Variants in DGKI observed in about 807,000 individuals in gnomAD.
DGKI encodes the protein diacylglycerol kinase iota.
In DGKI, 55 loss-of-function variants were observed where a neutral mutation model predicts 147.5. That is an observed-to-expected ratio of 0.37 (90% confidence interval 0.30 to 0.47). DGKI has a LOEUF of 0.47. DGKI is among the 20% of genes least tolerant of loss of function. DGKI has a pLI of 1.00. For synonymous variants in DGKI, 469 were observed against 477.1 expected (o/e 0.98, Z 0.22); for missense variants, 1,007 against 1,323.8 (o/e 0.76, Z 3.71).
At chr7:137,601,817 C>G (rs1310287127) in intron 10 of DGKI, among the ~76,000 whole-genome samples, 1 of 152,138 alleles carries the variant, frequency 6.6e-6, no homozygotes. Flanking sequence ...GTTACATAGG[C>G]CAATGCAGGT....
intron 1 of DGKI, among the ~76,000 whole-genome samples, chr7:137,803,247 G>C (rs1001059996): frequency 6.6e-6 from 1 of 152,160 alleles, no homozygotes; most frequent in Non-Finnish European, 1.5e-5. Context: ...TTGCTGGGTT[G>C]TAGAGAAGAT....
intron 23 of DGKI, among the ~76,000 whole-genome samples, chr7:137,477,723 C>T (rs1164506228): frequency 6.6e-6 from 1 of 152,104 alleles, no homozygotes; most frequent in Non-Finnish European, 1.5e-5. Flanking sequence ...GTGGTGCAAT[C>T]TCAGCTCACT....
intron 3 of DGKI, among the ~76,000 whole-genome samples, chr7:137,675,464 C>A (rs1822999667): frequency 7.0e-6 from 1 of 142,198 alleles, no homozygotes; most frequent in South Asian, 2.1e-4. Flanking sequence ...GCGGGTGGAT[C>A]CCCTGAGGTC....
chr7:137,583,935 T>C (rs577025495), intron 14 of DGKI, among the ~76,000 whole-genome samples: 2 of 152,282 alleles, frequency 1.3e-5, no homozygotes, highest in African/African-American at 4.8e-5. Flanking sequence ...GGATCATGGT[T>C]TAGGTGAAAA....
rs1350052011 is a variant in DGKI at position 137,717,862 on chromosome 7, C to T, written c.402-27860G>A. On this transcript the variant is annotated intron_variant, in intron 1 of 32. Coordinates refer to ENST00000614521, the MANE Select transcript of DGKI (RefSeq NM_001321708.2). ...TAGAAAAACATCTCAGCACATGAATCGCACTGTTTCCACATACACAGCCTC... is the reference window on the plus strand; with the variant it reads ...TAGAAAAACATCTCAGCACATGAATTGCACTGTTTCCACATACACAGCCTC... Among the ~76,000 whole-genome samples the T allele has an allele frequency of 1.1e-4, 16 of 152,198 alleles. No homozygotes were observed. In the East Asian group the frequency reaches 1.9e-3, roughly 18 times the overall value.
At chr7:137,601,273 A>G (rs1819981397) in intron 10 of DGKI, among the ~76,000 whole-genome samples, 1 of 151,902 alleles carries the variant, frequency 6.6e-6, no homozygotes, top group African/African-American at 2.4e-5. Context: ...TCTGTCTCAA[A>G]AAAAAAAAAG....
At chr7:137,426,350 G>A (rs1186504599) in intron 28 of DGKI, among the ~76,000 whole-genome samples, 2 of 152,120 alleles carry the variant, frequency 1.3e-5, no homozygotes, top group African/African-American at 4.8e-5. Flanking sequence ...AGCAAATGCT[G>A]AGAGATTTTG....
rs191759885 is a variant in DGKI, at chr7:137,471,699, T to C, written c.2374-2080A>G. On this transcript the variant is annotated intron_variant, in intron 23 of 32. Coordinates refer to ENST00000614521, the MANE Select transcript of DGKI (RefSeq NM_001321708.2). ...ATCTTAGTAAACTAGAAACCTGGAG[T>C]GTATGGAGTTTTACTCTAAATGAAT... Among the ~76,000 whole-genome samples the C allele has an allele frequency of 2.6e-3, 391 of 151,678 alleles. 1 individual carries two copies. Among genetic ancestry groups the C allele is most frequent in the African/African-American group, 9.2e-3 (379 of 41,348 alleles).
chr7:137,395,425 C>G (rs548463789), intron 32 of DGKI, among the ~76,000 whole-genome samples, 173 bp downstream of exon 32: 1 of 152,248 alleles, frequency 6.6e-6, no homozygotes, highest in South Asian at 2.1e-4. Flanking sequence ...TGTGCTTATA[C>G]ATTTAAATCA....
At chr7:137,802,504 C>T (rs1797244653) in intron 1 of DGKI, among the ~76,000 whole-genome samples, 1 of 152,122 alleles carries the variant, frequency 6.6e-6, no homozygotes, top group South Asian at 2.1e-4. Context: ...CATAATAATC[C>T]TCTATTTGTG....
chr7:137,580,070 C>G (rs1819135639), intron 15 of DGKI, among the ~76,000 whole-genome samples: 1 of 152,078 alleles, frequency 6.6e-6, no homozygotes, highest in Non-Finnish European at 1.5e-5. Context: ...ATAAGTTAGA[C>G]TAAATATGAG....
Position 137,574,959 on chromosome 7 carries a change from T to C in DGKI, c.1762-2121A>G, listed in dbSNP as rs1818919828. On this transcript the variant is annotated intron_variant, in intron 17 of 32. Transcript: ENST00000614521. ...AAGATGCTCTGTTGTTGGGGAGACATCTAATCACTCTCACTAACCTTCCAT... is the reference window on the plus strand; with the variant it reads ...AAGATGCTCTGTTGTTGGGGAGACACCTAATCACTCTCACTAACCTTCCAT... 2.0e-5 allele frequency among the ~76,000 whole-genome samples: 3 copies of C among 152,220 alleles called. No homozygotes were observed. The South Asian group carries it at 6.2e-4, about 31-fold the overall frequency.
chr7:137,503,647 A>C (rs537067004), intron 21 of DGKI, among the ~76,000 whole-genome samples: 2 of 152,288 alleles, frequency 1.3e-5, no homozygotes, highest in South Asian at 4.1e-4. Flanking sequence ...TTGGTCAATA[A>C]CTACATTCAG....
At chr7:137,513,761 G>A in intron 21 of DGKI, 4 of 510,464 alleles carry the variant, frequency 7.8e-6, no homozygotes, top group Non-Finnish European at 1.5e-5. Context: ...TGGCATTTGG[G>A]TATCTAAAAT....
intron 13 of DGKI, among the ~76,000 whole-genome samples, chr7:137,586,255 T>C (rs1819391905): frequency 6.6e-6 from 1 of 151,866 alleles, no homozygotes; most frequent in Non-Finnish European, 1.5e-5. Context: ...CGAAACCCTG[T>C]CTCTAATAAA....
At chr7:137,759,427 C>T (rs1166438959) in intron 1 of DGKI, among the ~76,000 whole-genome samples, 6 of 152,014 alleles carry the variant, frequency 3.9e-5, no homozygotes, top group African/African-American at 1.5e-4. Flanking sequence ...CTGCAACCTC[C>T]GCCTCCCAGG....
Position 137,578,298 on chromosome 7 carries a change from C to T in DGKI, c.1670G>A (p.Arg557His), listed in dbSNP as rs1215300896. 6.2e-7 allele frequency: 1 copy of T among 1,612,988 alleles called. No homozygotes were observed. Among genetic ancestry groups the T allele is most frequent in the Non-Finnish European group, 8.5e-7 (1 of 1,179,236 alleles). Residue 557 changes from arginine to histidine, a missense_variant, in exon 16 of 33, where the codon CGT (arginine) becomes CAT (histidine). Transcript: ENST00000614521. ...REANPEKFNSRFRNKMFYAGA... is the reference protein window; with the variant it reads ...REANPEKFNSHFRNKMFYAGA... The stretch of plus-strand genomic sequence containing the variant: ...TGCATAGAACATTTTATTTCGAAAA[C>T]GACTGTTGAATTTCTCTGGATTTGC...
rs781580130 is a variant in DGKI at position 137,846,161 on chromosome 7, T to TCTCTCTCA, written c.401+300_401+301insTGAGAGAG. 0.044 allele frequency among the ~76,000 whole-genome samples: 4,708 copies of TCTCTCTCA among 108,054 alleles called. 148 individuals carry two copies. Among genetic ancestry groups the TCTCTCTCA allele is most frequent in the Non-Finnish European group, 0.054 (3,002 of 55,230 alleles). The allele number at this position is 108,054 out of a possible 152,430, so 70.9% of individuals were successfully genotyped here. On this transcript the variant is annotated intron_variant, in intron 1 of 32. Transcript: ENST00000614521. The surrounding 1 kb of genome is among the most constrained non-coding windows in gnomAD (Gnocchi z 4.0). ...CTCTCTCTCTCTCTCTCTCTCTCTC[T>TCTCTCTCA]CACACACACACACACACACACACAC...
chr7:137,444,814 C>G (rs911137510), intron 27 of DGKI, among the ~76,000 whole-genome samples: 3 of 152,182 alleles, frequency 2.0e-5, no homozygotes, highest in African/African-American at 7.2e-5. Context: ...AGTTGAAATA[C>G]TTTGAGTAGT....
Sources: gnomAD v4.1 joint callset for allele counts (sites outside exome capture counted in the v4.1 genomes callset) on GRCh38, gnomAD v4.1.1 for gene constraint, Gnocchi (gnomAD v3.1) non-coding constraint, MANE v1.5 for transcripts, NCBI Gene and HGNC (gene_info 2026-07-23, HGNC 2026-07-21) for gene names.